The following MIPEP variants were observed in gnomAD, a reference collection of about 807,000 sequenced individuals.
The protein encoded by MIPEP is mitochondrial intermediate peptidase.
MIPEP carries 79 observed loss-of-function variants against 90.3 expected under a neutral mutation model. That is an observed-to-expected ratio of 0.87 (90% CI 0.73 to 1.05). The LOEUF (loss-of-function observed/expected upper bound fraction) is 1.05, where lower values mean the gene tolerates loss of function less well. MIPEP is among the 50% of genes least tolerant of loss of function. The pLI is 0.00. For synonymous variants in MIPEP, 334 were observed against 315.8 expected (o/e 1.06, Z -0.61); for missense variants, 940 against 905.6 (o/e 1.04, Z -0.49).
intron 7 of MIPEP, 118 bp from the exon 8 acceptor site, chr13:23,864,307 T>G: frequency 1.4e-6 from 1 of 719,556 alleles, no homozygotes. Context: ...AAGTGATGAT[T>G]TTCAAAGGGA....
At chr13:23,801,847 G>A (rs552784852) in intron 16 of MIPEP, among the ~76,000 whole-genome samples, 3 of 152,040 alleles carry the variant, frequency 2.0e-5, no homozygotes, top group Admixed American at 6.6e-5. Context: ...GGTTCTTCCC[G>A]GAATCCTCCC....
intron 18 of MIPEP, among the ~76,000 whole-genome samples, chr13:23,730,770 A>G (rs1555229576): frequency 6.6e-6 from 1 of 152,084 alleles, no homozygotes; most frequent in African/African-American, 2.4e-5. Context: ...TTTTTTAGTT[A>G]TCTTTGACTG....
chr13:23,782,912 G>T (rs1224399575), intron 16 of MIPEP, among the ~76,000 whole-genome samples: 1 of 152,184 alleles, frequency 6.6e-6, no homozygotes, highest in Non-Finnish European at 1.5e-5. Context: ...CCAGGAAGAA[G>T]TTGAATCCCT....
intron 14 of MIPEP, among the ~76,000 whole-genome samples, chr13:23,834,121 C>T (rs1451385695): frequency 7.2e-5 from 11 of 152,094 alleles, no homozygotes; most frequent in Admixed American, 7.2e-4. Flanking sequence ...AGAGAGGCCA[C>T]GCGCCCGGGA....
chr13:23,872,321 C>T (rs4770512), intron 5 of MIPEP, among the ~76,000 whole-genome samples: 80,674 of 151,768 alleles, frequency 0.53, 21,647 homozygotes, highest in South Asian at 0.72. Flanking sequence ...ATTAGCTGGG[C>T]GTGGTGGCAC....
chr13:23,888,965 G>A (rs1871661603), intron 1 of MIPEP, 167 bp downstream of exon 1: 3 of 632,874 alleles, frequency 4.7e-6, no homozygotes, highest in African/African-American at 1.9e-5. Flanking sequence ...CAAAGCAGAG[G>A]TGACCTTGCC....
At chr13:23,838,550 C>T (rs529770354) in intron 12 of MIPEP, among the ~76,000 whole-genome samples, 1 of 152,322 alleles carries the variant, frequency 6.6e-6, no homozygotes, top group African/African-American at 2.4e-5. Flanking sequence ...TACACTGAGA[C>T]TCACATACAC....
In MIPEP at chr13:23,836,348, C is replaced by T. The variant is rs762384198; in HGVS notation, c.1545G>A (p.Gly515=). 17 of 1,552,850 alleles carry T rather than the reference C, an allele frequency of 1.1e-5. No homozygotes were observed. The highest frequency in any genetic ancestry group is 1.7e-6 in the Non-Finnish European group (2 of 1,156,858). The change falls in exon 14 of 19, where the codon GGG becomes GGA. Residue 515 remains glycine, a splice_region_variant and synonymous_variant. Transcript: ENST00000382172. ...LGRTRYQHVT[G]TRCPTDFAEV... ...CAGCAAAATCAGTAGGGCACCTGGT[C>T]CCTAAAACAAGAAAAAAAAAAAAGT...
In MIPEP at chr13:23,886,318, G is replaced by A. The variant is rs762668360; in HGVS notation, c.363+15C>T. On this transcript the variant is annotated intron_variant, in intron 2 of 18. Transcript: ENST00000382172. ...GAAAGAGAGGTAGCTTCAAGTCTGA[G>A]GTAAAGCACCTTACCAAGTCGGCCA... 1 of 1,465,574 alleles carries A rather than the reference G, an allele frequency of 6.8e-7. No individual in the cohort carries two copies. The highest frequency in any genetic ancestry group is 1.5e-5 in the South Asian group (1 of 65,050). The allele number at this position is 1,465,574 out of a possible 1,614,324, so 90.8% of individuals were successfully genotyped here.
Position 23,839,658 on chromosome 13 carries a change from T to A in MIPEP, c.1329A>T (p.Lys443Asn). The change falls in exon 12 of 19, where the codon AAA becomes AAT. Residue 443 changes from lysine to asparagine, a missense_variant. Lys to Asn is a moderately conservative substitution (Grantham distance 94). Transcript: ENST00000382172. ...ATAAAGAAAGGATCACCTGATGTGGTTTGTCTGCTCGCTGAAAAAAATCAC... is the reference window on the plus strand; with the variant it reads ...ATAAAGAAAGGATCACCTGATGTGGATTGTCTGCTCGCTGAAAAAAATCAC... ...IYCDFFQRADKPHQDCHFTIR... is the reference protein window; with the variant it reads ...IYCDFFQRADNPHQDCHFTIR... The A allele has an allele frequency of 6.2e-7, 1 of 1,612,580 alleles. No homozygotes were observed. Among genetic ancestry groups the A allele is most frequent in the East Asian group, 2.2e-5 (1 of 44,836 alleles).
chr13:23,730,313 C>T lies in MIPEP; in HGVS notation c.*35G>A, dbSNP rs375369704. 2.0e-5 allele frequency: 27 copies of T among 1,347,170 alleles called. No homozygotes were observed. The highest frequency in any genetic ancestry group is 1.5e-4 in the African/African-American group (10 of 68,808). The allele number at this position is 1,347,170 out of a possible 1,614,324, so 83.5% of individuals were successfully genotyped here. A position where few individuals can be genotyped will look rare whatever the true frequency, so the allele number is the denominator to read the frequency against. ...GCATTTATAACAAAGTCATTATCTACATGACCTTGATTTAAGAGGTGTAGA... is the reference window on the plus strand; with the variant it reads ...GCATTTATAACAAAGTCATTATCTATATGACCTTGATTTAAGAGGTGTAGA... On this transcript the variant is annotated 3_prime_UTR_variant, in exon 19 of 19. Transcript: ENST00000382172.
chr13:23,822,076 G>A (rs1953312727), intron 14 of MIPEP, among the ~76,000 whole-genome samples: 1 of 152,280 alleles, frequency 6.6e-6, no homozygotes, highest in African/African-American at 2.4e-5. Context: ...ACAATAAATG[G>A]TGCCATTTGT....
At chr13:23,785,161 A>G (rs547133675) in intron 16 of MIPEP, among the ~76,000 whole-genome samples, 93 of 152,296 alleles carry the variant, frequency 6.1e-4, no homozygotes, top group Non-Finnish European at 1.2e-3. Context: ...AGGATTATAA[A>G]TCATGCTTCT....
chr13:23,790,613 A>G (rs1952888834), intron 16 of MIPEP, among the ~76,000 whole-genome samples: 1 of 152,216 alleles, frequency 6.6e-6, no homozygotes, highest in Non-Finnish European at 1.5e-5. Flanking sequence ...TGATGAGGGA[A>G]GCAGAGAATG....
chr13:23,806,372 T>C (rs1953107018), intron 15 of MIPEP, among the ~76,000 whole-genome samples: 1 of 152,162 alleles, frequency 6.6e-6, no homozygotes, highest in Non-Finnish European at 1.5e-5. Flanking sequence ...AACTGGAATT[T>C]TGCCAAAATA....
At chr13:23,818,686 G>A (rs781194270) in intron 14 of MIPEP, among the ~76,000 whole-genome samples, 1 of 152,234 alleles carries the variant, frequency 6.6e-6, no homozygotes, top group Admixed American at 6.5e-5. Flanking sequence ...AACAGCCTGT[G>A]ATTGGCTGAA....
intron 10 of MIPEP, among the ~76,000 whole-genome samples, chr13:23,849,434 C>G (rs1869706758): frequency 6.6e-6 from 1 of 152,188 alleles, no homozygotes; most frequent in Non-Finnish European, 1.5e-5. Context: ...TTCCATGGAT[C>G]TGGACCCAGA....
At chr13:23,743,928 T>A (rs911486503) in intron 18 of MIPEP, among the ~76,000 whole-genome samples, 1 of 152,234 alleles carries the variant, frequency 6.6e-6, no homozygotes, top group African/African-American at 2.4e-5. Flanking sequence ...GGTAAATATA[T>A]GAACAAGCCA....
At chr13:23,836,114 C>G in intron 14 of MIPEP, 126 bp downstream of exon 14, 1 of 549,930 alleles carries the variant, frequency 1.8e-6, no homozygotes, top group Non-Finnish European at 3.2e-6. Flanking sequence ...AAAAAAGAAG[C>G]AATAAAAGGT....
Sources: allele counts gnomAD v4.1 joint callset (sites outside exome capture counted in the v4.1 genomes callset), GRCh38; gene constraint gnomAD v4.1.1; transcripts MANE v1.5; gene names NCBI Gene and HGNC (gene_info 2026-07-23, HGNC 2026-07-21).